NLRP1: variants seen among roughly 807,000 people sequenced by gnomAD.
NLRP1 encodes the protein NLR family pyrin domain containing 1, also known as NACHT, LRR and PYD domains-containing protein 1.
Under a neutral mutation model 136.7 loss-of-function variants are expected in NLRP1, and 94 were observed. The ratio of observed to expected loss-of-function variants is 0.69; its 90% CI spans 0.58 to 0.82. NLRP1 has a LOEUF of 0.82. Among genes scored for constraint, NLRP1 ranks in the 40% least tolerant of loss-of-function variants. The pLI, the probability that NLRP1 is intolerant of heterozygous loss-of-function variation, is 0.00. For synonymous variants in NLRP1, 690 were observed against 725.1 expected (o/e 0.95, Z 0.78); for missense variants, 1,575 against 1,802.7 (o/e 0.87, Z 2.29).
chr17:5,555,828 C>T (rs991597504), intron 4 of NLRP1, among the ~76,000 whole-genome samples: 3 of 152,246 alleles, frequency 2.0e-5, no homozygotes, highest in Middle Eastern at 6.8e-3. Context: ...CATGGTGGCT[C>T]ATGCCTGTGA....
intron 5 of NLRP1, among the ~76,000 whole-genome samples, chr17:5,551,706 T>C (rs35952787): frequency 0.066 from 10,033 of 152,342 alleles, 421 homozygotes; most frequent in African/African-American, 0.11. Flanking sequence ...GTCAGTGTTT[T>C]GGATTTTGGC....
Position 5,521,566 on chromosome 17 carries a change from G to A in NLRP1, c.3741C>T (p.Thr1247=), listed in dbSNP as rs2301583. Residue 1247 remains threonine, a synonymous_variant, in exon 13 of 17, where the codon ACC becomes ACT. Transcript: ENST00000572272. ...CACTTGGGATCAGGTAGAGGTGGAAGGTGACTTCCTCAGGATGGACGCGGT... is the reference window on the plus strand; with the variant it reads ...CACTTGGGATCAGGTAGAGGTGGAAAGTGACTTCCTCAGGATGGACGCGGT... ...LYHRVHPEEV[T]FHLYLIPSDC... The A allele has an allele frequency of 0.013, 21,644 of 1,614,128 alleles. 1,679 individuals carry two copies. In the South Asian group the frequency reaches 0.15, roughly 12 times the overall value.
At chr17:5,506,531 T>TCAACAGATGAACAGATAA (rs1907343535) in intron 15 of NLRP1, among the ~76,000 whole-genome samples, 1 of 152,104 alleles carries the variant, frequency 6.6e-6, no homozygotes, top group Non-Finnish European at 1.5e-5. Context: ...CACGTGTCCA[T>TCAACAGATGAACAGATAA]CAACAGATGA....
chr17:5,518,989 T>G (rs1908512676), intron 14 of NLRP1, among the ~76,000 whole-genome samples: 3 of 150,958 alleles, frequency 2.0e-5, no homozygotes, highest in Non-Finnish European at 3.0e-5. Flanking sequence ...CAGGTGCCCA[T>G]CACCACTCCC....
intron 15 of NLRP1, among the ~76,000 whole-genome samples, chr17:5,517,358 C>CT (rs1567630305): frequency 2.2e-5 from 2 of 91,454 alleles, no homozygotes; most frequent in Non-Finnish European, 5.2e-5. Flanking sequence ...GCACCCCCCC[C>CT]CCTCCCACAT....
At position 5,514,645 on chromosome 17, in the gene NLRP1, G is replaced by C. The variant is rs200254995; in HGVS notation, c.*109C>G. On this transcript the variant is annotated 3_prime_UTR_variant, in exon 17 of 17. Transcript: ENST00000572272. ...GCATCATCAAAGTTCCATTACTTTAGTGCTGGAAGGCAAACCAGATGGCAA... is the reference window on the plus strand; with the variant it reads ...GCATCATCAAAGTTCCATTACTTTACTGCTGGAAGGCAAACCAGATGGCAA... 6.6e-7 allele frequency: 1 copy of C among 1,523,136 alleles called. No homozygotes were observed. The highest frequency in any genetic ancestry group is 1.4e-5 in the African/African-American group (1 of 72,704). The allele number at this position is 1,523,136 out of a possible 1,614,324, so 94.4% of individuals were successfully genotyped here. A position where few individuals can be genotyped will look rare whatever the true frequency, so the allele number is the denominator to read the frequency against.
At chr17:5,532,512 G>A (rs1910436756) in intron 11 of NLRP1, among the ~76,000 whole-genome samples, 1 of 152,220 alleles carries the variant, frequency 6.6e-6, no homozygotes, top group Non-Finnish European at 1.5e-5. Context: ...CAAAGAGGGG[G>A]AAAGTGAACA....
chr17:5,514,285 T>A lies in NLRP1; in HGVS notation c.*469A>T, dbSNP rs983145890. On this transcript the variant is annotated 3_prime_UTR_variant, in exon 17 of 17. Coordinates refer to ENST00000572272, the MANE Select transcript of NLRP1 (RefSeq NM_033004.4). Reference sequence around the variant, plus strand: ...CTGTGATACTCCTTTATTTTCTGAATAAACTTCCTTCCACTTTACTCTGTT... The same window carrying A: ...CTGTGATACTCCTTTATTTTCTGAAAAAACTTCCTTCCACTTTACTCTGTT... The A allele has an allele frequency of 2.3e-6, 1 of 431,462 alleles. No individual in the cohort carries two copies. The highest frequency in any genetic ancestry group is 3.1e-6 in the Non-Finnish European group (1 of 320,706). 26.7% of individuals were successfully genotyped at this position (431,462 alleles called of 1,614,324 possible).
At position 5,541,996 on chromosome 17, in the gene NLRP1, A is replaced by G; in HGVS notation, c.2560T>C (p.Cys854Arg). The change falls in exon 6 of 17, where the codon TGC becomes CGC. Residue 854 changes from cysteine (C) to arginine (R), a missense_variant. Cys to Arg is a radical substitution (Grantham distance 180). Coordinates refer to ENST00000572272, the MANE Select transcript of NLRP1 (RefSeq NM_033004.4). This position sits in a 1 kb window ranked among gnomAD's most constrained non-coding sequence, Gnocchi z 4.2. ...CTCAGCCCAAAGGCAAGGTCCTTGC[A>G]GTCCTCAGCTGTGAGGCCACAGCCA... ...LAGCGLTAED[C>R]KDLAFGLRAN... The G allele has an allele frequency of 6.2e-7, 1 of 1,613,962 alleles. No homozygotes were observed. The highest frequency in any genetic ancestry group is 1.1e-5 in the South Asian group (1 of 91,052).
rs1272494646 is a variant in NLRP1 at position 5,541,664 on chromosome 17, G to A, written c.2699+193C>T. Among the ~76,000 whole-genome samples, 1 of 152,010 alleles carries A rather than the reference G, an allele frequency of 6.6e-6. No individual in the cohort carries two copies. Among genetic ancestry groups the A allele is most frequent in the African/African-American group, 2.4e-5 (1 of 41,364 alleles). On this transcript the variant is annotated intron_variant, in intron 6 of 16. Coordinates refer to ENST00000572272, the MANE Select transcript of NLRP1 (RefSeq NM_033004.4). This position sits in a 1 kb window ranked among gnomAD's most constrained non-coding sequence, Gnocchi z 4.2. ...GACTTGGCTTCTCTTGCTGTATTTGGAGCCTGGAGGCCCCCTCCCTCTGTC... is the reference window on the plus strand; with the variant it reads ...GACTTGGCTTCTCTTGCTGTATTTGAAGCCTGGAGGCCCCCTCCCTCTGTC...
At chr17:5,556,905 T>G (rs2151799699) in intron 4 of NLRP1, among the ~76,000 whole-genome samples, 1 of 152,144 alleles carries the variant, frequency 6.6e-6, no homozygotes, top group African/African-American at 2.4e-5. Flanking sequence ...ATTACAGGTG[T>G]GAGCCACCAC....
At chr17:5,545,226 C>T (rs976081969) in intron 5 of NLRP1, among the ~76,000 whole-genome samples, 5 of 151,978 alleles carry the variant, frequency 3.3e-5, no homozygotes, top group South Asian at 4.1e-4. Flanking sequence ...GAGGATGGCT[C>T]GTATCCAGGA....
chr17:5,553,647 C>A, intron 4 of NLRP1, 91 bp from the exon 5 acceptor site: 1 of 1,188,806 alleles, frequency 8.4e-7, no homozygotes, highest in Non-Finnish European at 1.2e-6. Flanking sequence ...GGGCTTTGTC[C>A]CCCTGAGCAC....
intron 3 of NLRP1, among the ~76,000 whole-genome samples, chr17:5,565,566 G>A (rs1482830842): frequency 6.6e-6 from 1 of 152,192 alleles, no homozygotes; most frequent in Non-Finnish European, 1.5e-5. Flanking sequence ...GCAGACCAAT[G>A]TCCTGGAGAT....
downstream of NLRP1, chr17:5,512,314 C>T: frequency 6.9e-7 from 1 of 1,453,486 alleles, no homozygotes; most frequent in Non-Finnish European, 9.7e-7. Context: ...TGCAAAAGGA[C>T]ATTCGCCAAG....
chr17:5,573,344 G>A (rs879005119), intron 3 of NLRP1, among the ~76,000 whole-genome samples: 4 of 152,174 alleles, frequency 2.6e-5, no homozygotes, highest in East Asian at 1.9e-4. Flanking sequence ...GGAGCCCACC[G>A]CAGCTCAAGG....
In NLRP1 at chr17:5,519,000, G is replaced by C. The variant is rs980757405; in HGVS notation, c.3916-1113C>G. Among the ~76,000 whole-genome samples the C allele has an allele frequency of 3.3e-5, 5 of 151,132 alleles. No homozygotes were observed. In the East Asian group the frequency reaches 7.8e-4, roughly 24 times the overall value. ...TTTACAGGTGCCCATCACCACTCCC[G>C]GCTAATTTTTTTTTTTTTTTGAGAC... is the stretch of plus-strand genomic sequence containing the variant. On this transcript the variant is annotated intron_variant, in intron 14 of 16. Coordinates refer to ENST00000572272, the MANE Select transcript of NLRP1 (RefSeq NM_033004.4).
intron 3 of NLRP1, among the ~76,000 whole-genome samples, chr17:5,564,189 T>C (rs1423701105): frequency 1.3e-5 from 2 of 152,170 alleles, no homozygotes; most frequent in African/African-American, 4.8e-5. Context: ...CATTTAACCT[T>C]TGAGTTACAA....
intron 8 of NLRP1, among the ~76,000 whole-genome samples, chr17:5,535,073 A>G (rs1240892324): frequency 1.3e-5 from 2 of 152,156 alleles, no homozygotes; most frequent in African/African-American, 4.8e-5. Flanking sequence ...TACAAAAATT[A>G]GCTGGGTGTG....
Sources: allele counts gnomAD v4.1 joint callset (sites outside exome capture counted in the v4.1 genomes callset), GRCh38; gene constraint gnomAD v4.1.1; non-coding constraint Gnocchi (gnomAD v3.1); transcripts MANE v1.5; gene names NCBI Gene and HGNC (gene_info 2026-07-23, HGNC 2026-07-21).